Variants in MCU observed in about 807,000 individuals in gnomAD.
MCU encodes calcium uniporter protein, mitochondrial.
In MCU, 12 loss-of-function variants were observed where a neutral mutation model predicts 45.2. That is an observed-to-expected ratio of 0.27 (90% CI 0.17 to 0.43). The LOEUF (loss-of-function observed/expected upper bound fraction) is 0.43, where lower values mean the gene tolerates loss of function less well. Ranked by LOEUF, MCU falls within the 20% of genes least tolerant of loss-of-function variation. The pLI is 1.00. For synonymous variants in MCU, 160 were observed against 165.1 expected (o/e 0.97, Z 0.24); for missense variants, 324 against 436.7 (o/e 0.74, Z 2.30).
chr10:72,765,031 C>T (rs1280080930), intron 1 of MCU, among the ~76,000 whole-genome samples: 1 of 149,270 alleles, frequency 6.7e-6, no homozygotes, highest in Non-Finnish European at 1.5e-5. Context: ...GTGGGCAGAT[C>T]GCTTGAGCCC....
intron 1 of MCU, among the ~76,000 whole-genome samples, chr10:72,696,432 A>G (rs1331530974): frequency 3.9e-5 from 6 of 151,998 alleles, no homozygotes; most frequent in Non-Finnish European, 7.4e-5. Flanking sequence ...AATTTCTATA[A>G]TTCGTTACTA....
At chr10:72,872,379 A>G (rs1364192639) in intron 6 of MCU, among the ~76,000 whole-genome samples, 1 of 152,100 alleles carries the variant, frequency 6.6e-6, no homozygotes, top group Non-Finnish European at 1.5e-5. Flanking sequence ...TGTACCATTA[A>G]CTAACTTTTC....
Position 72,711,533 on chromosome 10 carries a change from T to TC in MCU, c.150+19235dup, listed in dbSNP as rs1468282691. 1.7e-4 allele frequency among the ~76,000 whole-genome samples: 26 copies of TC among 150,096 alleles called. No individual in the cohort carries two copies. In the South Asian group the frequency reaches 4.2e-3, roughly 24 times the overall value. On this transcript the variant is annotated intron_variant, in intron 1 of 7. Transcript: ENST00000373053. ...ACTACGCCTGGCCTTTTTTTTTTTT[T>TC]CCCTCTTAATACTTAAAAAAAAAAA... is the stretch of plus-strand genomic sequence containing the variant.
chr10:72,751,107 T>C (rs1233908858), intron 1 of MCU, among the ~76,000 whole-genome samples: 4 of 152,000 alleles, frequency 2.6e-5, no homozygotes, highest in Admixed American at 2.0e-4. Context: ...TTCAAGCGTT[T>C]TTCCTGCCTC....
At chr10:72,808,303 G>A (rs1049089892) in intron 1 of MCU, among the ~76,000 whole-genome samples, 52 of 152,202 alleles carry the variant, frequency 3.4e-4, no homozygotes, top group Non-Finnish European at 6.3e-4. Flanking sequence ...CGAGTCTACT[G>A]TAGAAATTTG....
intron 1 of MCU, among the ~76,000 whole-genome samples, chr10:72,816,828 G>T (rs1009678421): frequency 2.6e-5 from 4 of 152,110 alleles, no homozygotes; most frequent in Non-Finnish European, 4.4e-5. Context: ...GAATCTTCTG[G>T]ACAGCCAGGC....
chr10:72,714,343 G>GTTTTTTTT (rs1479850646), intron 1 of MCU, among the ~76,000 whole-genome samples: 8 of 49,478 alleles, frequency 1.6e-4, no homozygotes, highest in African/African-American at 3.7e-4. Context: ...CCCCGCCCTG[G>GTTTTTTTT]TCTTTTTTTT....
chr10:72,727,671 T>G (rs1386985414), intron 1 of MCU, among the ~76,000 whole-genome samples: 33 of 152,246 alleles, frequency 2.2e-4, no homozygotes, highest in Non-Finnish European at 1.5e-5. Flanking sequence ...AGTAGGAAGT[T>G]TTTTTTGAGT....
chr10:72,714,297 TA>T (rs1842930410), intron 1 of MCU, among the ~76,000 whole-genome samples: 1 of 149,458 alleles, frequency 6.7e-6, no homozygotes, highest in South Asian at 2.1e-4. Context: ...AAAATATTTC[TA>T]AAAAAATTTG....
intron 1 of MCU, among the ~76,000 whole-genome samples, chr10:72,762,736 C>T (rs16930102): frequency 0.053 from 8,030 of 151,816 alleles, 711 homozygotes; most frequent in African/African-American, 0.18. Context: ...TTTCTGCCTT[C>T]GATATTGTTA....
intron 2 of MCU, among the ~76,000 whole-genome samples, chr10:72,848,044 T>A (rs1442959844): frequency 2.0e-5 from 3 of 152,222 alleles, no homozygotes; most frequent in African/African-American, 7.2e-5. Flanking sequence ...TGTATCATAT[T>A]GGTTCTGCAG....
intron 1 of MCU, among the ~76,000 whole-genome samples, chr10:72,723,724 T>G (rs1248313742): frequency 6.6e-6 from 1 of 152,238 alleles, no homozygotes; most frequent in Non-Finnish European, 1.5e-5. Flanking sequence ...TATTTGTGCT[T>G]GCAACGTGCT....
chr10:72,842,734 C>T (rs1845065677), intron 2 of MCU, among the ~76,000 whole-genome samples: 1 of 151,696 alleles, frequency 6.6e-6, no homozygotes, highest in Non-Finnish European at 1.5e-5. Flanking sequence ...AAGAATCCTT[C>T]AGGTTTTGTA....
At chr10:72,731,177 C>T (rs1353631905) in intron 1 of MCU, 1 of 152,172 alleles carries the variant, frequency 6.6e-6, no homozygotes. Flanking sequence ...CGCAAGTGAT[C>T]CTCAGCCTCC....
chr10:72,698,153 T>TAGGCCGGGCGCGGTGGCTCACGCC, intron 1 of MCU, among the ~76,000 whole-genome samples: 1 of 152,220 alleles, frequency 6.6e-6, no homozygotes, highest in African/African-American at 2.4e-5. Flanking sequence ...ATTCTGATTA[T>TAGGCCGGGCGCGGTGGCTCACGCC]TTGAACTTTT....
At chr10:72,860,357 T>G (rs953177733) in intron 3 of MCU, 66 bp from the exon 4 acceptor site, 6 of 1,344,242 alleles carry the variant, frequency 4.5e-6, no homozygotes, top group Non-Finnish European at 5.2e-6. Context: ...TTTTGAAGAT[T>G]GAATTTTCCT....
chr10:72,881,930 A>G (rs538414369), intron 6 of MCU, among the ~76,000 whole-genome samples: 1 of 152,354 alleles, frequency 6.6e-6, no homozygotes, highest in South Asian at 2.1e-4. Context: ...ATGGATAAAT[A>G]AAATGTGGCA....
intron 1 of MCU, among the ~76,000 whole-genome samples, chr10:72,749,748 G>A (rs1461017047): frequency 1.3e-5 from 2 of 152,072 alleles, no homozygotes; most frequent in Non-Finnish European, 2.9e-5. Flanking sequence ...TAGTTAAAGG[G>A]TGCTGTTGTA....
intron 1 of MCU, among the ~76,000 whole-genome samples, chr10:72,699,370 G>A (rs766477727): frequency 2.0e-5 from 3 of 151,936 alleles, no homozygotes; most frequent in Non-Finnish European, 4.4e-5. Context: ...AGCTGGGTGT[G>A]GTGGTGCGCG....
Sources: gnomAD v4.1 joint callset for allele counts (sites outside exome capture counted in the v4.1 genomes callset) on GRCh38, gnomAD v4.1.1 for gene constraint, MANE v1.5 for transcripts, NCBI Gene and HGNC (gene_info 2026-07-23, HGNC 2026-07-21) for gene names.